Variants in MYO15A observed in about 807,000 individuals in gnomAD.
MYO15A encodes myosin XVA.
In MYO15A, 308 loss-of-function variants were observed where a neutral mutation model predicts 394.6. The ratio of observed to expected loss-of-function variants is 0.78; its 90% CI spans 0.71 to 0.86. The LOEUF is 0.86. MYO15A is among the 40% of genes least tolerant of loss of function. The probability of loss-of-function intolerance (pLI) is 0.00; values close to 1 mark genes in which losing one functional copy is unlikely to be tolerated. For missense variants in MYO15A, 4,606 were observed against 4,799.1 expected (o/e 0.96, Z 1.19); for synonymous variants, 1,957 against 2,003.8 (o/e 0.98, Z 0.62).
At chr17:18,168,926 A>G (rs1181773392) in intron 62 of MYO15A, among the ~76,000 whole-genome samples, 2 of 150,518 alleles carry the variant, frequency 1.3e-5, no homozygotes, top group Non-Finnish European at 3.0e-5. Context: ...ACATGGTGAA[A>G]CCCCGTATCT....
chr17:18,162,433 G>T, intron 57 of MYO15A, 152 bp from the exon 58 acceptor site: 1 of 722,920 alleles, frequency 1.4e-6, no homozygotes, highest in Middle Eastern at 3.6e-4. Context: ...GTCCCTGTCT[G>T]AACTGTTTCC....
At chr17:18,154,010 C>T (rs887220501) in intron 43 of MYO15A, 114 bp downstream of exon 43, 88 of 1,603,988 alleles carry the variant, frequency 5.5e-5, no homozygotes, top group Admixed American at 1.7e-4. Flanking sequence ...CAGAAAAAGG[C>T]CGGGCTGAAA....
chr17:18,145,160 G>A (rs2046453920), intron 29 of MYO15A, among the ~76,000 whole-genome samples: 1 of 152,178 alleles, frequency 6.6e-6, no homozygotes. Flanking sequence ...CCAGAGCTTA[G>A]ATTTCATCCC....
intron 1 of MYO15A, among the ~76,000 whole-genome samples, chr17:18,114,534 G>A (rs2045761885): frequency 6.6e-6 from 1 of 152,138 alleles, no homozygotes; most frequent in South Asian, 2.1e-4. Context: ...TTACAGGCAT[G>A]AGCCACTGCA....
chr17:18,121,159 G>A lies in MYO15A; in HGVS notation c.2359G>A (p.Gly787Ser). 1 of 1,515,690 alleles carries A rather than the reference G, an allele frequency of 6.6e-7. No individual in the cohort carries two copies. Among genetic ancestry groups the A allele is most frequent in the Non-Finnish European group, 8.8e-7 (1 of 1,138,762 alleles). 93.9% of individuals were successfully genotyped at this position (1,515,690 alleles called of 1,614,324 possible). ...QPSLRSSPGL[G>S]YCSPLAPPSP... ...CTCGCTGAGGAGCTCGCCGGGCCTC[G>A]GCTACTGCTCACCCTTGGCGCCCCC... The change falls in exon 2 of 66, where the codon GGC (glycine) becomes AGC (serine). Residue 787 changes from glycine (G) to serine (S), a missense_variant. By Grantham distance (56) the Gly-to-Ser change is moderately conservative. Around this residue, in one of 2 missense-constraint regions of MYO15A, gnomAD observed 1,830 missense variants for 1,689.7 expected, o/e 1.08. Coordinates refer to ENST00000647165, the MANE Select transcript of MYO15A (RefSeq NM_016239.4). This position sits in a 1 kb window ranked among gnomAD's most constrained non-coding sequence, Gnocchi z 5.3.
chr17:18,118,732 G>T lies in MYO15A; in HGVS notation c.-69G>T, dbSNP rs2045830611. On this transcript the variant is annotated 5_prime_UTR_variant, in exon 2 of 66. Coordinates refer to ENST00000647165, the MANE Select transcript of MYO15A (RefSeq NM_016239.4). ...CAGCCGCGGGCAAGAGACAGAGCAG[G>T]TCCCTGTGTCTCCAAGTCCCTGAGC... The T allele has an allele frequency of 6.2e-7, 1 of 1,603,898 alleles. No homozygotes were observed.
In MYO15A at chr17:18,148,691, C is replaced by T. The variant is rs1188375502; in HGVS notation, c.6765-70C>T. 5.8e-6 allele frequency: 9 copies of T among 1,548,810 alleles called. No individual in the cohort carries two copies. Among genetic ancestry groups the T allele is most frequent in the Non-Finnish European group, 7.9e-6 (9 of 1,145,394 alleles). On this transcript the variant is annotated intron_variant, in intron 32 of 65. Coordinates refer to ENST00000647165, the MANE Select transcript of MYO15A (RefSeq NM_016239.4). The surrounding 1 kb of genome is among the most constrained non-coding windows in gnomAD (Gnocchi z 4.8). ...TTCATGTTTAGGGTCTGGCTTATAA[C>T]CCAGGATCTCCCCAGGTAGTGCCTG... is the stretch of plus-strand genomic sequence containing the variant.
chr17:18,163,947 C>A, intron 60 of MYO15A, 109 bp downstream of exon 60: 1 of 1,083,886 alleles, frequency 9.2e-7, no homozygotes, highest in Non-Finnish European at 1.4e-6. Context: ...GCCACTTCCT[C>A]CAGGAAGCCC....
intron 55 of MYO15A, 80 bp from the exon 56 acceptor site, chr17:18,159,855 C>A (rs748753984): frequency 6.6e-7 from 1 of 1,515,722 alleles, no homozygotes; most frequent in South Asian, 1.2e-5. Flanking sequence ...TCTTCAGGTG[C>A]CCACCCTGTT....
Position 18,166,227 on chromosome 17 carries a change from A to G in MYO15A, c.9788-134A>G, listed in dbSNP as rs2142412042. 3 of 1,089,010 alleles carry G rather than the reference A, an allele frequency of 2.8e-6. No homozygotes were observed. In the East Asian group the frequency reaches 7.6e-5, roughly 28 times the overall value. 67.5% of individuals were successfully genotyped at this position (1,089,010 alleles called of 1,614,324 possible). A position where few individuals can be genotyped will look rare whatever the true frequency, so the allele number is the denominator to read the frequency against. ...CTTTAATGAGGAAGCTGTGTCCCAG[A>G]ACAGGCAGGTGGCTTGTCCGAGGTG... On this transcript the variant is annotated intron_variant, in intron 60 of 65. Coordinates refer to ENST00000647165, the MANE Select transcript of MYO15A (RefSeq NM_016239.4).
At position 18,120,384 on chromosome 17, in the gene MYO15A, C is replaced by T; in HGVS notation, c.1584C>T (p.Gly528=). ...CCCCGGTTTCCGCTGTGCCCTACGG[C>T]CACCCTTTCTGGGGCTTCCTCACGC... The part of the protein sequence containing the change: ...ELPPVSAVPY[G]HPFWGFLTPR... Residue 528 remains glycine, a synonymous_variant, in exon 2 of 66, where the codon GGC becomes GGT. Coordinates refer to ENST00000647165, the MANE Select transcript of MYO15A (RefSeq NM_016239.4). 6.2e-7 allele frequency: 1 copy of T among 1,611,178 alleles called. No individual in the cohort carries two copies. The highest frequency in any genetic ancestry group is 8.5e-7 in the Non-Finnish European group (1 of 1,179,722).
chr17:18,159,035 ATGG>A, intron 53 of MYO15A, 38 bp downstream of exon 53: 1 of 1,605,842 alleles, frequency 6.2e-7, no homozygotes, highest in East Asian at 2.2e-5. Flanking sequence ...CATCTGTAAA[ATGG>A]TGATGCAGGG....
intron 7 of MYO15A, among the ~76,000 whole-genome samples, chr17:18,128,649 G>A (rs907961787): frequency 2.0e-5 from 3 of 152,218 alleles, no homozygotes; most frequent in Non-Finnish European, 4.4e-5. Context: ...AGAAGTAAGT[G>A]TACCTCGTGC....
rs201764164 is a variant in MYO15A, at chr17:18,171,594, C to G, written c.10083-44C>G. 111 of 1,613,490 alleles carry G rather than the reference C, an allele frequency of 6.9e-5. No individual in the cohort carries two copies. In the Admixed American group the frequency reaches 8.8e-4, roughly 13 times the overall value. The stretch of plus-strand genomic sequence containing the variant: ...GCTGCACAGTGAGGATTGCCTGAGC[C>G]TGGGAGCTCACTCAGGACCTTTTTC... On this transcript the variant is annotated intron_variant, in intron 62 of 65. Transcript: ENST00000647165.
Position 18,132,447 on chromosome 17 carries a change from C to G in MYO15A, c.4207-6C>G, listed in dbSNP as rs768021991. The G allele has an allele frequency of 2.5e-5, 41 of 1,613,600 alleles. 1 individual carries two copies. Among genetic ancestry groups the G allele is most frequent in the South Asian group, 1.1e-4 (10 of 91,086 alleles). ...CCTTCTCTGTGCCCACCTACCCACT[C>G]TACAGGCCAAAAACGAGAGGAATTA... On this transcript the variant is annotated splice_polypyrimidine_tract_variant and splice_region_variant and intron_variant, in intron 10 of 65. Coordinates refer to ENST00000647165, the MANE Select transcript of MYO15A (RefSeq NM_016239.4). The surrounding 1 kb of genome is among the most constrained non-coding windows in gnomAD (Gnocchi z 4.6).
At chr17:18,163,136 C>T (rs2046800320) in intron 58 of MYO15A, 108 bp from the exon 59 acceptor site, 7 of 1,204,134 alleles carry the variant, frequency 5.8e-6, no homozygotes, top group African/African-American at 1.5e-5. Flanking sequence ...TGTTCCTACA[C>T]GTGCCAGCCC....
In MYO15A at chr17:18,135,874, G is replaced by A. The variant is rs1460052093; in HGVS notation, c.4596+50G>A. ...CGAACAAAGCTTTCTACCAGGGCCT[G>A]GACAGAGCTGCTTGTGCCGATCCTT... On this transcript the variant is annotated intron_variant, in intron 13 of 65. Coordinates refer to ENST00000647165, the MANE Select transcript of MYO15A (RefSeq NM_016239.4). 3.3e-6 allele frequency: 5 copies of A among 1,520,640 alleles called. No individual in the cohort carries two copies. In the African/African-American group the frequency reaches 6.9e-5, roughly 21 times the overall value. The allele number at this position is 1,520,640 out of a possible 1,614,324, so 94.2% of individuals were successfully genotyped here. A position where few individuals can be genotyped will look rare whatever the true frequency, so the allele number is the denominator to read the frequency against.
Position 18,130,806 on chromosome 17 carries a change from TA to T in MYO15A, c.4037del (p.Lys1346ArgfsTer38). Reference protein sequence around the residue: ...MNQKREVMQQIKILEATPLLE... With the variant: ...MNQKREVMQQXKILEATPLLE... The stretch of plus-strand genomic sequence containing the variant: ...CCTCCCTCCTGGACGCTCTTGAAGA[TA>T]AAGGTACTCAGTGTGTGTGTGTGTG... On this transcript the variant is annotated frameshift_variant and splice_region_variant, in exon 8 of 66. Transcript: ENST00000647165. LOFTEE classifies it high-confidence loss of function. 1 of 1,596,564 alleles carries T rather than the reference TA, an allele frequency of 6.3e-7. No individual in the cohort carries two copies.
rs10583154 is a variant in MYO15A at position 18,114,241 on chromosome 17, C to CT, written c.-219-4315dup. Among the ~76,000 whole-genome samples the CT allele has an allele frequency of 1.1e-3, 60 of 55,598 alleles. 7 individuals are homozygous for CT. The highest frequency in any genetic ancestry group is 2.6e-3 in the East Asian group (5 of 1,924). The allele number at this position is 55,598 out of a possible 152,430, so 36.5% of individuals were successfully genotyped here. A position where few individuals can be genotyped will look rare whatever the true frequency, so the allele number is the denominator to read the frequency against. ...CACCTTGTGACCACCACAGTCCTGT[C>CT]TTTTTTTTTTTTTTTTTTTTTTTTT... On this transcript the variant is annotated intron_variant, in intron 1 of 65. Transcript: ENST00000647165.
Sources: allele counts gnomAD v4.1 joint callset (sites outside exome capture counted in the v4.1 genomes callset), GRCh38; gene constraint gnomAD v4.1.1; regional missense constraint gnomAD v4.1.1; non-coding constraint Gnocchi (gnomAD v3.1); transcripts MANE v1.5; gene names NCBI Gene and HGNC (gene_info 2026-07-23, HGNC 2026-07-21).